The following AP3D1 variants were observed in gnomAD, a reference collection of about 807,000 sequenced individuals.
The protein encoded by AP3D1 is AP-3 complex subunit delta-1.
Under a neutral mutation model 147.6 loss-of-function variants are expected in AP3D1, and 51 were observed. The ratio of observed to expected loss-of-function variants is 0.35; its 90% confidence interval spans 0.28 to 0.44. The LOEUF (loss-of-function observed/expected upper bound fraction) is 0.44, where lower values mean the gene tolerates loss of function less well. AP3D1 is among the 20% of genes least tolerant of loss of function. AP3D1 has a pLI of 1.00. For missense variants in AP3D1, 1,421 were observed against 1,624.2 expected (o/e 0.87, Z 2.15); for synonymous variants, 760 against 663.0 (o/e 1.15, Z -2.25).
chr19:2,134,083 G>A (rs1780005167), intron 4 of AP3D1, among the ~76,000 whole-genome samples: 1 of 152,016 alleles, frequency 6.6e-6, no homozygotes, highest in Admixed American at 6.6e-5. Flanking sequence ...TGGCGACAGA[G>A]TGAGACTCTG....
At chr19:2,106,346 C>A (rs2018111014) in intron 31 of AP3D1, among the ~76,000 whole-genome samples, 1 of 151,970 alleles carries the variant, frequency 6.6e-6, no homozygotes, top group Admixed American at 6.6e-5. Flanking sequence ...GTCAGGAGTT[C>A]CACATCAGTC....
At chr19:2,110,107 T>TC (rs756654646) in intron 28 of AP3D1, 29 bp downstream of exon 28, 6 of 1,606,648 alleles carry the variant, frequency 3.7e-6, no homozygotes, top group Middle Eastern at 1.8e-4. Context: ...CAGAGTCGGC[T>TC]CTTCAACGCC....
intron 1 of AP3D1, among the ~76,000 whole-genome samples, chr19:2,157,223 A>G (rs562270259): frequency 6.6e-6 from 1 of 151,554 alleles, no homozygotes; most frequent in African/African-American, 2.4e-5. Context: ...CGGGCGGATC[A>G]CGAGGTCAGG....
At position 2,132,523 on chromosome 19, in the gene AP3D1, C is replaced by T; in HGVS notation, c.410G>A (p.Cys137Tyr). ...DTGVALTGLS[C>Y]FVTPDLARDL... ...TCTGGCAAGGTCTGGGGTGACGAAG[C>T]AGGACAGACCCGTCAGTGCAACACC... Residue 137 changes from cysteine (C) to tyrosine (Y), a missense_variant, in exon 5 of 32, where the codon TGC (cysteine) becomes TAC (tyrosine). Physicochemically the swap from Cys to Tyr is radical, Grantham distance 194. Transcript: ENST00000643116. The T allele has an allele frequency of 6.2e-7, 1 of 1,611,656 alleles. No individual in the cohort carries two copies. The highest frequency in any genetic ancestry group is 8.5e-7 in the Non-Finnish European group (1 of 1,178,030).
intron 1 of AP3D1, among the ~76,000 whole-genome samples, chr19:2,147,921 A>C (rs1469994962): frequency 6.6e-6 from 1 of 151,830 alleles, no homozygotes; most frequent in Non-Finnish European, 1.5e-5. Flanking sequence ...ACCGTGGCTC[A>C]CACCTGTAAT....
rs2019181288 is a variant in AP3D1 at position 2,140,126 on chromosome 19, C to G, written c.97-1412G>C. Among the ~76,000 whole-genome samples the G allele has an allele frequency of 3.3e-5, 5 of 152,268 alleles. No homozygotes were observed. In the Middle Eastern group the frequency reaches 0.01, roughly 311 times the overall value. On this transcript the variant is annotated intron_variant, in intron 1 of 31. Coordinates refer to ENST00000643116, the MANE Select transcript of AP3D1 (RefSeq NM_001261826.3). ...CCATCCCCGGAGCAAGGATAACCCA[C>G]TCCTCCTGCTCAAAGGGTCAGGACT...
chr19:2,110,230 G>A lies in AP3D1; in HGVS notation c.3176-6C>T, dbSNP rs780138947. 16 of 1,610,708 alleles carry A rather than the reference G, an allele frequency of 9.9e-6. No individual in the cohort carries two copies. The highest frequency in any genetic ancestry group is 3.3e-5 in the Admixed American group (2 of 60,014). On this transcript the variant is annotated splice_polypyrimidine_tract_variant and splice_region_variant and intron_variant, in intron 27 of 31. Coordinates refer to ENST00000643116, the MANE Select transcript of AP3D1 (RefSeq NM_001261826.3). Reference sequence around the variant, plus strand: ...CTGGGCTTCGTTGGAGACGCCTGGCGGGGGCGAGAGGGAGTGGGGCCTGAG... The same window carrying A: ...CTGGGCTTCGTTGGAGACGCCTGGCAGGGGCGAGAGGGAGTGGGGCCTGAG...
Position 2,129,395 on chromosome 19 carries a change from G to A in AP3D1, c.655C>T (p.Leu219=), listed in dbSNP as rs199695826. The change falls in exon 7 of 32, where the codon CTG becomes TTG. Residue 219 remains leucine (L), a synonymous_variant. Coordinates refer to ENST00000643116, the MANE Select transcript of AP3D1 (RefSeq NM_001261826.3). ...TTGAAAAAGAGCGGGGCCAGGGACA[G>A]GTAGTTCTTAGGGTTGCGTCTGGCC... The part of the protein sequence containing the change: ...ELARRNPKNY[L]SLAPLFFKLM... 1.2e-3 allele frequency: 1,873 copies of A among 1,614,156 alleles called. 3 individuals are homozygous for A. Among genetic ancestry groups the A allele is most frequent in the Non-Finnish European group, 1.4e-3 (1,693 of 1,180,020 alleles).
chr19:2,132,659 G>T, intron 4 of AP3D1, 81 bp from the exon 5 acceptor site: 1 of 1,251,790 alleles, frequency 8.0e-7, no homozygotes, highest in Non-Finnish European at 1.2e-6. Flanking sequence ...AGCAGCAGGA[G>T]CGAAATTCTC....
chr19:2,112,804 T>C (rs1203554697), intron 24 of AP3D1, 56 bp downstream of exon 24: 7 of 1,415,452 alleles, frequency 4.9e-6, no homozygotes, highest in Non-Finnish European at 6.8e-6. Context: ...GGCCCCACGT[T>C]GGGGTGCTGG....
intron 1 of AP3D1, 46 bp from the exon 2 acceptor site, chr19:2,138,760 G>C: frequency 7.2e-7 from 1 of 1,379,344 alleles, no homozygotes; most frequent in East Asian, 2.3e-5. Context: ...CCAGCTAAGA[G>C]GGCTGGAATA....
chr19:2,151,186 C>A, intron 1 of AP3D1, 53 bp downstream of exon 1: 1 of 1,553,078 alleles, frequency 6.4e-7, no homozygotes, highest in East Asian at 2.3e-5. Context: ...AGGGCTGGGC[C>A]CTGGGCCGGG....
chr19:2,111,418 A>C (rs1306529264), intron 25 of AP3D1, 86 bp from the exon 26 acceptor site: 22 of 1,519,654 alleles, frequency 1.4e-5, no homozygotes, highest in Non-Finnish European at 2.0e-5. Context: ...CCCCAGGTCG[A>C]ATGCCACGAC....
At chr19:2,111,878 C>A in intron 24 of AP3D1, 50 bp from the exon 25 acceptor site, 1 of 1,608,824 alleles carries the variant, frequency 6.2e-7, no homozygotes, top group South Asian at 1.1e-5. Context: ...TCCAGCACGC[C>A]CCCATCACAG....
At chr19:2,150,286 C>A (rs2019471011) in intron 1 of AP3D1, among the ~76,000 whole-genome samples, 1 of 152,192 alleles carries the variant, frequency 6.6e-6, no homozygotes, top group Admixed American at 6.5e-5. Flanking sequence ...GGGAAGCAGG[C>A]AGGCAGTCGC....
At chr19:2,157,125 C>T (rs2019651822) in intron 1 of AP3D1, among the ~76,000 whole-genome samples, 2 of 151,676 alleles carry the variant, frequency 1.3e-5, no homozygotes, top group Non-Finnish European at 2.9e-5. Context: ...CATCCACCCA[C>T]CCATCCACAA....
chr19:2,114,862 TG>T, intron 20 of AP3D1, 41 bp from the exon 21 acceptor site: 4 of 1,603,944 alleles, frequency 2.5e-6, no homozygotes, highest in Non-Finnish European at 3.4e-6. Flanking sequence ...AACCCGCCCT[TG>T]TGGCCTGGTG....
rs1241577526 is a variant in AP3D1, at chr19:2,130,459, G to A, written c.541C>T (p.Leu181=). The A allele has an allele frequency of 6.2e-7, 1 of 1,614,096 alleles. No individual in the cohort carries two copies. ...YKVFLKYPES[L]RPAFPRLKEK... ...TTCAGCCGGGGAAAGGCAGGGCGCAGCGACTCGGGGTACTTCAGGAACACC... is the reference window on the plus strand; with the variant it reads ...TTCAGCCGGGGAAAGGCAGGGCGCAACGACTCGGGGTACTTCAGGAACACC... Residue 181 remains leucine (L), a synonymous_variant, in exon 6 of 32, where the codon CTG becomes TTG. Coordinates refer to ENST00000643116, the MANE Select transcript of AP3D1 (RefSeq NM_001261826.3).
Position 2,136,953 on chromosome 19 carries a change from G to A in AP3D1, c.354+58C>T, listed in dbSNP as rs954189212. ...AGGAAGACGCGTGTGGGAACCAGAC[G>A]CTCCGGCAAGGGCAGACTGCACTCA... On this transcript the variant is annotated intron_variant, in intron 4 of 31. Transcript: ENST00000643116. 1.1e-5 allele frequency: 17 copies of A among 1,484,236 alleles called. No individual in the cohort carries two copies. The Admixed American group carries it at 1.4e-4, about 12-fold the overall frequency. The allele number at this position is 1,484,236 out of a possible 1,614,324, so 91.9% of individuals were successfully genotyped here. A position where few individuals can be genotyped will look rare whatever the true frequency, so the allele number is the denominator to read the frequency against.
Sources: gnomAD v4.1 joint callset for allele counts (sites outside exome capture counted in the v4.1 genomes callset) on GRCh38, gnomAD v4.1.1 for gene constraint, MANE v1.5 for transcripts, NCBI Gene and HGNC (gene_info 2026-07-23, HGNC 2026-07-21) for gene names.